The following DHRS12 variants were observed in gnomAD, a reference collection of about 807,000 sequenced individuals.
The protein encoded by DHRS12 is dehydrogenase/reductase 12, also known as dehydrogenase/reductase SDR family member 12.
DHRS12 carries 29 observed loss-of-function variants against 32.1 expected under a neutral mutation model. That is an observed-to-expected ratio of 0.90 (90% CI 0.67 to 1.23). The LOEUF (loss-of-function observed/expected upper bound fraction) is 1.23, where lower values mean the gene tolerates loss of function less well. DHRS12 is among the 50% of genes most tolerant of loss of function. DHRS12 has a pLI of 0.00. For missense variants in DHRS12, 330 were observed against 337.2 expected, an observed-to-expected ratio of 0.98 and a Z score of 0.17; for synonymous variants, 150 against 135.9, an observed-to-expected ratio of 1.10 and a Z score of -0.72.
At chr13:51,763,771 C>T (rs1172327934), downstream of DHRS12, 1 of 152,258 alleles carries the variant, frequency 6.6e-6, no homozygotes, top group Admixed American at 6.5e-5. Context: ...GCAGTCCAGC[C>T]TGGGCAGCAG....
intron 4 of DHRS12, among the ~76,000 whole-genome samples, chr13:51,777,574 G>A (rs753788547): frequency 8.5e-5 from 13 of 152,282 alleles, no homozygotes; most frequent in Middle Eastern, 6.8e-3. Flanking sequence ...TTTTTACAAT[G>A]AGCATATAAC....
intron 1 of DHRS12, among the ~76,000 whole-genome samples, chr13:51,800,384 G>A (rs1211349567): frequency 2.0e-5 from 3 of 152,278 alleles, no homozygotes; most frequent in South Asian, 2.1e-4. Flanking sequence ...TTCCTTTTGC[G>A]ATACCTCTCT....
chr13:51,764,042 T>G (rs1333823283), downstream of DHRS12: 2 of 152,246 alleles, frequency 1.3e-5, no homozygotes, highest in Non-Finnish European at 2.9e-5. Flanking sequence ...TTTTTTCTCC[T>G]TTAAAATAAT....
downstream of DHRS12, chr13:51,766,508 C>T (rs1395801612): frequency 7.9e-5 from 12 of 152,162 alleles, no homozygotes; most frequent in African/African-American, 2.4e-4. Flanking sequence ...AGATTTCTCC[C>T]GTGTGGTCTA....
rs56270918 is a variant in DHRS12, at chr13:51,802,169, TCACACACACACACACACA to T, written c.-9+1867_-9+1884del. Among the ~76,000 whole-genome samples, 119 of 139,868 alleles carry T rather than the reference TCACACACACACACACACA, an allele frequency of 8.5e-4. 2 individuals carry two copies. The highest frequency in any genetic ancestry group is 4.9e-3 in the East Asian group (23 of 4,658). 91.8% of individuals were successfully genotyped at this position (139,868 alleles called of 152,430 possible). On this transcript the variant is annotated intron_variant, in intron 1 of 8. Transcript: ENST00000444610. The stretch of plus-strand genomic sequence containing the variant: ...GTCTCTAGATATCAGTCTCTATTTT[TCACACACACACACACACA>T]CACACACACACACACACACACACAC...
intron 4 of DHRS12, among the ~76,000 whole-genome samples, chr13:51,779,662 G>A (rs530331622): frequency 5.6e-4 from 85 of 152,342 alleles, no homozygotes; most frequent in Middle Eastern, 3.4e-3. Context: ...CTTAGCTGCT[G>A]ACAGGTTCTC....
chr13:51,755,609 T>C, the DHRS12 span: 1 of 736,956 alleles, frequency 1.4e-6, no homozygotes, highest in South Asian at 1.8e-5. Context: ...TAATTTACTC[T>C]GTCTACCATA....
rs1954180353 is a variant in DHRS12 at position 51,774,022 on chromosome 13, AG to A, written c.375del (p.Ser126GlnfsTer9). 6.2e-7 allele frequency: 1 copy of A among 1,613,804 alleles called. No homozygotes were observed. ...AGTTTCTGAACCAACATTCCTCCTG[AG>A]GAGACGGTTATCTGCAATAAAGGTA... ...KEHDPRVITV[S>X]SGGMLVQKLN... On this transcript the variant is annotated frameshift_variant, in exon 6 of 9. Transcript: ENST00000444610. LOFTEE classifies it high-confidence loss of function.
At chr13:51,756,226 C>T in the DHRS12 span, 7 of 1,471,038 alleles carry the variant, frequency 4.8e-6, no homozygotes, top group Non-Finnish European at 6.4e-6. Flanking sequence ...TCAGCATCCT[C>T]ACCTGGATGC....
At chr13:51,760,130 AC>A in the DHRS12 span, 1 of 195,348 alleles carries the variant, frequency 5.1e-6, no homozygotes, top group Non-Finnish European at 1.0e-5. Flanking sequence ...GGAGGTATCT[AC>A]TCAGAGTATT....
chr13:51,770,554 G>A (rs190589593), intron 7 of DHRS12, among the ~76,000 whole-genome samples: 69 of 152,294 alleles, frequency 4.5e-4, no homozygotes, highest in African/African-American at 1.6e-3. Context: ...GAGAAGAATC[G>A]AGAAGCCATG....
intron 8 of DHRS12, 179 bp downstream of exon 8, chr13:51,768,977 G>A (rs1443920350): frequency 1.3e-5 from 19 of 1,415,412 alleles, no homozygotes; most frequent in Non-Finnish European, 1.7e-5. Context: ...CCAACCTGGA[G>A]TGAAGCGCTT....
chr13:51,793,663 C>T lies in DHRS12; in HGVS notation c.127-2406G>A, dbSNP rs534041434. Reference sequence around the variant, plus strand: ...TTTAAAATGTCTGTGAAGGCCCTCACCCAGCCAGAGCGAACAAGGCTGCTG... The same window carrying T: ...TTTAAAATGTCTGTGAAGGCCCTCATCCAGCCAGAGCGAACAAGGCTGCTG... On this transcript the variant is annotated intron_variant, in intron 2 of 8. Transcript: ENST00000444610. 5.3e-5 allele frequency among the ~76,000 whole-genome samples: 8 copies of T among 152,296 alleles called. No individual in the cohort carries two copies. The South Asian group carries it at 8.3e-4, about 16-fold the overall frequency.
chr13:51,772,006 C>A, intron 6 of DHRS12, 95 bp from the exon 7 acceptor site: 2 of 1,197,698 alleles, frequency 1.7e-6, no homozygotes, highest in Non-Finnish European at 2.4e-6. Context: ...GCTTATCTTA[C>A]ACTGGACTCT....
At chr13:51,764,442 A>C (rs1304286199), downstream of DHRS12, 1 of 153,002 alleles carries the variant, frequency 6.5e-6, no homozygotes, top group African/African-American at 2.4e-5. Context: ...AGGCTTCAGA[A>C]ACAGCATAAA....
chr13:51,779,382 A>G (rs575902822), intron 4 of DHRS12, among the ~76,000 whole-genome samples: 1 of 152,312 alleles, frequency 6.6e-6, no homozygotes, highest in East Asian at 1.9e-4. Context: ...CAAACAAAGC[A>G]AACAGTCTTT....
the DHRS12 span, chr13:51,761,039 G>A: frequency 1.3e-5 from 2 of 152,346 alleles, no homozygotes; most frequent in African/African-American, 2.4e-5. Flanking sequence ...CGGCAAGATT[G>A]TAATCCTGCT....
chr13:51,769,173 C>G lies in DHRS12; in HGVS notation c.680G>C (p.Ser227Thr). The G allele has an allele frequency of 6.4e-7, 1 of 1,552,162 alleles. No homozygotes were observed. Among genetic ancestry groups the G allele is most frequent in the East Asian group, 2.4e-5 (1 of 41,272 alleles). Residue 227 changes from serine to threonine, a missense_variant, in exon 8 of 9, where the codon AGC becomes ACC. Transcript: ENST00000444610. ...GAAGTCACCTTGAAAGAAGCGGCCGCTGGGCTGTGCGGCTGCGGCAGAGGA... is the reference window on the plus strand; with the variant it reads ...GAAGTCACCTTGAAAGAAGCGGCCGGTGGGCTGTGCGGCTGCGGCAGAGGA... Reference protein sequence around the residue: ...ALSSAAAAQPSGRFFQDRKPV... With the variant: ...ALSSAAAAQPTGRFFQDRKPV...
intron 1 of DHRS12, among the ~76,000 whole-genome samples, chr13:51,801,279 C>T (rs1361165841): frequency 3.3e-5 from 5 of 152,160 alleles, no homozygotes; most frequent in African/African-American, 7.2e-5. Flanking sequence ...CTCCGCCTCC[C>T]GGGTTCAAGT....
Sources: gnomAD v4.1 joint callset for allele counts (sites outside exome capture counted in the v4.1 genomes callset) on GRCh38, gnomAD v4.1.1 for gene constraint, MANE v1.5 for transcripts, NCBI Gene and HGNC (gene_info 2026-07-23, HGNC 2026-07-21) for gene names.